The following CFAP74 variants were observed in gnomAD, a reference collection of about 807,000 sequenced individuals.
The protein encoded by CFAP74 is cilia and flagella associated protein 74.
CFAP74 carries 124 observed loss-of-function variants against 188.9 expected under a neutral mutation model. The observed-to-expected ratio is 0.66, with a 90% CI of 0.57 to 0.76. The LOEUF (loss-of-function observed/expected upper bound fraction) is 0.76. CFAP74 is among the 30% of genes least tolerant of loss of function. CFAP74 has a pLI of 0.00. For synonymous variants in CFAP74, 956 were observed against 916.7 expected (o/e 1.04, Z -0.77); for missense variants, 2,198 against 2,165.2 (o/e 1.02, Z -0.30).
At chr1:1,983,392 G>A (rs1168433570) in intron 6 of CFAP74, among the ~76,000 whole-genome samples, 1 of 152,204 alleles carries the variant, frequency 6.6e-6, no homozygotes, top group Non-Finnish European at 1.5e-5. Flanking sequence ...AGTGGGGCTG[G>A]CAGCCATCAC....
At chr1:1,938,126 C>T (rs138730953) in intron 25 of CFAP74, among the ~76,000 whole-genome samples, 1 of 58,036 alleles carries the variant, frequency 1.7e-5, no homozygotes, top group Non-Finnish European at 5.8e-5. Context: ...CACTCACATT[C>T]AGTCACATGC....
At chr1:1,978,210 G>A (rs892788241) in intron 6 of CFAP74, among the ~76,000 whole-genome samples, 2 of 152,232 alleles carry the variant, frequency 1.3e-5, no homozygotes, top group African/African-American at 2.4e-5. Flanking sequence ...TATGGCTCCA[G>A]TGAGGAGAGT....
At chr1:1,946,014 G>A (rs563389179) in intron 20 of CFAP74, among the ~76,000 whole-genome samples, 4 of 149,182 alleles carry the variant, frequency 2.7e-5, no homozygotes, top group South Asian at 4.3e-4. Context: ...GCGGGACTGC[G>A]TGTGTGCGTG....
intron 30 of CFAP74, 60 bp from the exon 31 acceptor site, chr1:1,926,572 G>C: frequency 6.5e-7 from 1 of 1,548,374 alleles, no homozygotes; most frequent in Admixed American, 2.0e-5. Context: ...GTCTCTGCCA[G>C]GGGTGGGCCG....
At chr1:1,994,652 G>A (rs1206724493) in intron 1 of CFAP74, among the ~76,000 whole-genome samples, 1 of 152,168 alleles carries the variant, frequency 6.6e-6, no homozygotes. Context: ...ATTCCATGCG[G>A]CCTCCGCGAC....
In CFAP74 at chr1:1,961,928, GC is replaced by G. The variant is rs530911104; in HGVS notation, c.1694+1820del. Among the ~76,000 whole-genome samples the G allele has an allele frequency of 1.8e-3, 272 of 152,348 alleles. 1 individual carries two copies. The highest frequency in any genetic ancestry group is 3.1e-3 in the Non-Finnish European group (213 of 68,022). The stretch of plus-strand genomic sequence containing the variant: ...TCAGGGAGGGGCCATCAGAGCCCAC[GC>G]GCCCCTGGGGGCAGCCTCAGGAAGA... On this transcript the variant is annotated intron_variant, in intron 14 of 38. Transcript: ENST00000682832.
chr1:1,940,806 G>A (rs935124911), intron 22 of CFAP74, among the ~76,000 whole-genome samples: 3 of 152,158 alleles, frequency 2.0e-5, no homozygotes, highest in Non-Finnish European at 2.9e-5. Flanking sequence ...ATAAGTTAAC[G>A]TTGTTAAAGA....
In CFAP74 at chr1:1,969,264, A is replaced by AGCCCT. The variant is rs1307381148; in HGVS notation, c.1047-436_1047-432dup. Among the ~76,000 whole-genome samples the AGCCCT allele has an allele frequency of 5.4e-3, 235 of 43,132 alleles. 2 individuals are homozygous for AGCCCT. The highest frequency in any genetic ancestry group is 0.019 in the African/African-American group (213 of 10,924). The allele number at this position is 43,132 out of a possible 152,430, so 28.3% of individuals were successfully genotyped here. On this transcript the variant is annotated intron_variant, in intron 10 of 38. Transcript: ENST00000682832. ...AGCCCTGCCCAGCCCTGCCCAACCC[A>AGCCCT]GCCCTGCCCTGCCCTGCCCAGCCCA...
chr1:1,950,214 T>C (rs1654117861), intron 18 of CFAP74, among the ~76,000 whole-genome samples: 2 of 152,212 alleles, frequency 1.3e-5, no homozygotes, highest in South Asian at 4.1e-4. Context: ...TGGTGTCCCA[T>C]TGTGGTTTTA....
intron 2 of CFAP74, among the ~76,000 whole-genome samples, chr1:1,990,332 T>G (rs958645095): frequency 7.4e-6 from 1 of 134,918 alleles, no homozygotes; most frequent in Non-Finnish European, 1.5e-5. Context: ...TCAGTAAAAA[T>G]GATGGAAAAG....
chr1:1,971,408 T>A lies in CFAP74; in HGVS notation c.888+572A>T, dbSNP rs559266629. The stretch of plus-strand genomic sequence containing the variant: ...ACACACGTGCACACACGGTCACACA[T>A]GCACACATGCACACACACATGCAAA... On this transcript the variant is annotated intron_variant, in intron 9 of 38. Transcript: ENST00000682832. 1.5e-4 allele frequency among the ~76,000 whole-genome samples: 22 copies of A among 151,168 alleles called. 1 individual carries two copies. In the South Asian group the frequency reaches 4.6e-3, roughly 32 times the overall value.
intron 1 of CFAP74, among the ~76,000 whole-genome samples, chr1:1,992,560 G>A (rs563205710): frequency 6.1e-4 from 93 of 151,520 alleles, no homozygotes; most frequent in Middle Eastern, 3.4e-3. Context: ...TGCAAGCTCT[G>A]CCTCCTGGGT....
At chr1:1,964,771 C>T in intron 13 of CFAP74, 117 bp downstream of exon 13, 1 of 1,091,424 alleles carries the variant, frequency 9.2e-7, no homozygotes. Context: ...GCCTGGGCGA[C>T]AGAGTGAGAC....
intron 20 of CFAP74, among the ~76,000 whole-genome samples, chr1:1,944,687 A>G (rs1372435211): frequency 2.0e-5 from 3 of 152,142 alleles, no homozygotes; most frequent in Non-Finnish European, 2.9e-5. Flanking sequence ...GCTCACTGCA[A>G]TGTCTGCCTC....
intron 1 of CFAP74, among the ~76,000 whole-genome samples, chr1:1,995,959 A>C (rs1424391203): frequency 6.6e-6 from 1 of 151,820 alleles, no homozygotes; most frequent in Non-Finnish European, 1.5e-5. Context: ...AAGAACAACC[A>C]AAAAAAATCA....
At chr1:1,985,581 C>T (rs1308404204) in intron 5 of CFAP74, 91 bp from the exon 6 acceptor site, 8 of 1,027,204 alleles carry the variant, frequency 7.8e-6, no homozygotes, top group South Asian at 3.9e-5. Context: ...GGCCTCCTCT[C>T]GCTCAGGAGG....
chr1:1,972,388 C>T (rs1369945415), intron 8 of CFAP74, among the ~76,000 whole-genome samples: 4 of 152,326 alleles, frequency 2.6e-5, no homozygotes, highest in Middle Eastern at 3.4e-3. Flanking sequence ...GCGCAGAGGC[C>T]GGGCCATGAC....
At position 1,923,745 on chromosome 1, in the gene CFAP74, C is replaced by T. The variant is rs201363004; in HGVS notation, c.4389+30G>A. ...GCCCTGCGTGGGGCCAGGGCCGGGC[C>T]GGGCTGAGCTTGCAGAGCCAGAGCC... On this transcript the variant is annotated intron_variant, in intron 35 of 38. Coordinates refer to ENST00000682832, the MANE Select transcript of CFAP74 (RefSeq NM_001304360.2). This position sits in a 1 kb window ranked among gnomAD's most constrained non-coding sequence, Gnocchi z 6.3. The T allele has an allele frequency of 6.6e-5, 106 of 1,612,738 alleles. No homozygotes were observed. The highest frequency in any genetic ancestry group is 6.6e-5 in the South Asian group (6 of 91,082).
intron 6 of CFAP74, among the ~76,000 whole-genome samples, chr1:1,981,047 C>T (rs1293408292): frequency 3.3e-5 from 5 of 152,228 alleles, no homozygotes; most frequent in African/African-American, 4.8e-5. Flanking sequence ...AGAGCCACAA[C>T]GGAGGCCTCC....
Sources: gnomAD v4.1 joint callset for allele counts (sites outside exome capture counted in the v4.1 genomes callset) on GRCh38, gnomAD v4.1.1 for gene constraint, Gnocchi (gnomAD v3.1) non-coding constraint, MANE v1.5 for transcripts, NCBI Gene and HGNC (gene_info 2026-07-23, HGNC 2026-07-21) for gene names.